Variants in F2RL1 observed in about 807,000 individuals in gnomAD.
F2RL1 encodes the protein F2R like trypsin receptor 1.
F2RL1 carries 16 observed loss-of-function variants against 21.7 expected under a neutral mutation model. The ratio of observed to expected loss-of-function variants is 0.74; its 90% CI spans 0.50 to 1.12. The LOEUF is 1.12. Among genes scored for constraint, F2RL1 ranks in the 50% most tolerant of loss-of-function variants. The pLI is 0.00. For missense variants in F2RL1, 432 were observed against 477.8 expected (o/e 0.90, Z 0.89); for synonymous variants, 181 against 186.7 (o/e 0.97, Z 0.25).
rs370713776 is a variant in F2RL1, at chr5:76,833,466, A to G, written c.859A>G (p.Lys287Glu). Residue 287 changes from lysine to glutamate, a missense_variant, in exon 2 of 2, where the codon AAA becomes GAA. Physicochemically the swap from Lys to Glu is moderately conservative, Grantham distance 56. Transcript: ENST00000296677. ...AGAGAAGAAAAGGAAGAGGGCCATC[A>G]AACTCATTGTCACTGTCCTGGCCAT... is the stretch of plus-strand genomic sequence containing the variant. ...NSEKKRKRAI[K>E]LIVTVLAMYL... is the part of the protein sequence containing the mutation. 5.0e-6 allele frequency: 8 copies of G among 1,613,576 alleles called. No homozygotes were observed. In the African/African-American group the frequency reaches 9.4e-5, roughly 19 times the overall value.
At chr5:76,823,594 G>A (rs1165865535) in intron 1 of F2RL1, among the ~76,000 whole-genome samples, 1 of 151,938 alleles carries the variant, frequency 6.6e-6, no homozygotes, top group Non-Finnish European at 1.5e-5. Flanking sequence ...GGCCAGGCTG[G>A]TCTTGAATTC....
At chr5:76,823,112 C>T (rs1051894756) in intron 1 of F2RL1, among the ~76,000 whole-genome samples, 1 of 151,898 alleles carries the variant, frequency 6.6e-6, no homozygotes, top group Non-Finnish European at 1.5e-5. Flanking sequence ...CGCCTGTAGT[C>T]CCAGCTGCTT....
chr5:76,819,734 G>A (rs1404164044), intron 1 of F2RL1, among the ~76,000 whole-genome samples: 2 of 152,112 alleles, frequency 1.3e-5, no homozygotes, highest in African/African-American at 2.4e-5. Flanking sequence ...TTAGCGAGCT[G>A]ATTGCGCAGG....
rs1040100177 is a variant in F2RL1 at position 76,834,353 on chromosome 5, A to G, written c.*552A>G. On this transcript the variant is annotated 3_prime_UTR_variant, in exon 2 of 2. Transcript: ENST00000296677. ...GTTCTTGTACCACTTCATCAAAATC[A>G]TGGATCTTGGCTGGGTGCGGTGCCT... is the stretch of plus-strand genomic sequence containing the variant. 6.6e-6 allele frequency: 1 copy of G among 152,258 alleles called. No homozygotes were observed. Among genetic ancestry groups the G allele is most frequent in the African/African-American group, 2.4e-5 (1 of 41,430 alleles). 9.4% of individuals were successfully genotyped at this position (152,258 alleles called of 1,614,324 possible).
intron 1 of F2RL1, among the ~76,000 whole-genome samples, chr5:76,827,600 C>CTTTTTTTTTT (rs70982643): frequency 9.5e-6 from 1 of 104,988 alleles, no homozygotes; most frequent in African/African-American, 3.8e-5. Flanking sequence ...CATATAGTAA[C>CTTTTTTTTTT]TTTTTTTTTT....
intron 1 of F2RL1, among the ~76,000 whole-genome samples, chr5:76,822,667 G>T (rs1388151485): frequency 6.6e-6 from 1 of 152,088 alleles, no homozygotes; most frequent in African/African-American, 2.4e-5. Flanking sequence ...TTATTAGCTT[G>T]GCAAGTGTTG....
chr5:76,832,976 C>T lies in F2RL1; in HGVS notation c.369C>T (p.Leu123=). 10 of 1,614,234 alleles carry T rather than the reference C, an allele frequency of 6.2e-6. No individual in the cohort carries two copies. The highest frequency in any genetic ancestry group is 8.5e-6 in the Non-Finnish European group (10 of 1,180,056). ...CCAATCTGGCCTTGGCTGACCTCCT[C>T]TCTGTCATCTGGTTCCCCTTGAAGA... ...YMANLALADL[L]SVIWFPLKIA... The change falls in exon 2 of 2, where the codon CTC becomes CTT. Residue 123 remains leucine, a synonymous_variant. Transcript: ENST00000296677.
In F2RL1 at chr5:76,834,742, A is replaced by G. The variant is rs1193550674; in HGVS notation, c.*941A>G. ...AGGAATCTGTGTGGTACAAACCTGC[A>G]TGGTGTTTATGCACACAGAGATTTG... On this transcript the variant is annotated 3_prime_UTR_variant, in exon 2 of 2. Coordinates refer to ENST00000296677, the MANE Select transcript of F2RL1 (RefSeq NM_005242.6). 4 of 152,234 alleles carry G rather than the reference A, an allele frequency of 2.6e-5. No individual in the cohort carries two copies. Among genetic ancestry groups the G allele is most frequent in the African/African-American group, 9.6e-5 (4 of 41,466 alleles). The allele number at this position is 152,234 out of a possible 1,614,324, so 9.4% of individuals were successfully genotyped here.
intron 1 of F2RL1, among the ~76,000 whole-genome samples, chr5:76,829,443 G>C (rs1373705100): frequency 3.3e-5 from 5 of 152,030 alleles, no homozygotes; most frequent in Non-Finnish European, 7.4e-5. Flanking sequence ...GTAAAAAACA[G>C]GTCCTTTATC....
At chr5:76,829,263 CT>C (rs57404989) in intron 1 of F2RL1, among the ~76,000 whole-genome samples, 49 of 46,030 alleles carry the variant, frequency 1.1e-3, no homozygotes, top group Admixed American at 2.7e-3. Flanking sequence ...TCTTCTTCTT[CT>C]TTTTTTTTTT....
intron 1 of F2RL1, among the ~76,000 whole-genome samples, chr5:76,820,740 C>T (rs562950313): frequency 2.6e-5 from 4 of 152,222 alleles, no homozygotes; most frequent in East Asian, 3.9e-4. Flanking sequence ...GTTTACTACT[C>T]TTGGGGGATT....
At chr5:76,822,661 T>C (rs1750159626) in intron 1 of F2RL1, among the ~76,000 whole-genome samples, 1 of 152,200 alleles carries the variant, frequency 6.6e-6, no homozygotes. Context: ...ATGGTTTTAT[T>C]AGCTTGGCAA....
chr5:76,826,462 T>G (rs551418099), intron 1 of F2RL1, among the ~76,000 whole-genome samples: 1 of 152,242 alleles, frequency 6.6e-6, no homozygotes, highest in Admixed American at 6.5e-5. Context: ...TGTGACTGGC[T>G]TCTTTCACTT....
intron 1 of F2RL1, among the ~76,000 whole-genome samples, chr5:76,829,051 G>C (rs2243079): frequency 6.6e-5 from 10 of 151,966 alleles, no homozygotes; most frequent in Non-Finnish European, 1.3e-4. Context: ...GGGAGACGGA[G>C]GTTGCAGTGA....
chr5:76,830,621 C>T (rs1436680195), intron 1 of F2RL1, among the ~76,000 whole-genome samples: 3 of 152,078 alleles, frequency 2.0e-5, no homozygotes, highest in East Asian at 1.9e-4. Flanking sequence ...ATTTAGGGCC[C>T]GCCTAGATAA....
intron 1 of F2RL1, among the ~76,000 whole-genome samples, chr5:76,824,919 G>A (rs1750211207): frequency 6.6e-6 from 1 of 151,746 alleles, no homozygotes; most frequent in African/African-American, 2.4e-5. Flanking sequence ...CTTGTCCCCA[G>A]CTATTCTACT....
At chr5:76,820,799 A>T (rs1427514754) in intron 1 of F2RL1, among the ~76,000 whole-genome samples, 1 of 152,142 alleles carries the variant, frequency 6.6e-6, no homozygotes, top group African/African-American at 2.4e-5. Context: ...ATAAGGAAAA[A>T]TCAGGTTACT....
chr5:76,833,055 G>T lies in F2RL1; in HGVS notation c.448G>T (p.Val150Leu). 1 of 1,614,212 alleles carries T rather than the reference G, an allele frequency of 6.2e-7. No individual in the cohort carries two copies. The highest frequency in any genetic ancestry group is 1.1e-5 in the South Asian group (1 of 91,086). Reference sequence around the variant, plus strand: ...GATTTATGGGGAAGCTCTTTGTAATGTGCTTATTGGCTTTTTCTATGGCAA... The same window carrying T: ...GATTTATGGGGAAGCTCTTTGTAATTTGCTTATTGGCTTTTTCTATGGCAA... ...NWIYGEALCN[V>L]LIGFFYGNMY... The change falls in exon 2 of 2, where the codon GTG becomes TTG. Residue 150 changes from valine to leucine, a missense_variant. Val to Leu is a conservative substitution (Grantham distance 32, BLOSUM62 1). Transcript: ENST00000296677.
intron 1 of F2RL1, among the ~76,000 whole-genome samples, chr5:76,830,154 T>C (rs1750325246): frequency 6.6e-6 from 1 of 152,228 alleles, no homozygotes; most frequent in East Asian, 1.9e-4. Context: ...TTGCAGTGGC[T>C]GCTGGCATTT....
Sources: allele counts gnomAD v4.1 joint callset (sites outside exome capture counted in the v4.1 genomes callset), GRCh38; gene constraint gnomAD v4.1.1; transcripts MANE v1.5; gene names NCBI Gene and HGNC (gene_info 2026-07-23, HGNC 2026-07-21).